The following TLN2 variants were observed in gnomAD, a reference collection of about 807,000 sequenced individuals.
TLN2 encodes the protein talin 2.
A neutral mutation model predicts 294.7 loss-of-function variants in TLN2; 118 were observed. That is an observed-to-expected ratio of 0.40 (90% CI 0.34 to 0.47). The LOEUF (loss-of-function observed/expected upper bound fraction) is 0.47. TLN2 is among the 20% of genes least tolerant of loss of function. TLN2 has a pLI of 0.84. For synonymous variants in TLN2, 1,431 were observed against 1,304.5 expected (o/e 1.10, Z -2.09); for missense variants, 3,083 against 3,282.2 (o/e 0.94, Z 1.48).
intron 1 of TLN2, among the ~76,000 whole-genome samples, chr15:62,491,174 T>G (rs2038684866): frequency 6.6e-6 from 1 of 151,922 alleles, no homozygotes; most frequent in African/African-American, 2.4e-5. Context: ...ATACAAAAAT[T>G]AGCTGGGCAT....
At chr15:62,838,723 G>C in intron 57 of TLN2, 133 bp from the exon 58 acceptor site, 1 of 1,210,744 alleles carries the variant, frequency 8.3e-7, no homozygotes, top group Middle Eastern at 2.1e-4. Flanking sequence ...GGTACTCTCT[G>C]GCTACAGAAC....
rs1166640684 is a variant in TLN2, at chr15:62,796,302, G to A, written c.6050+9G>A. The A allele has an allele frequency of 1.2e-6, 2 of 1,610,682 alleles. No individual in the cohort carries two copies. The highest frequency in any genetic ancestry group is 1.7e-6 in the Non-Finnish European group (2 of 1,178,400). ...ACCTTCGCAGACCACAGGTACGTGG[G>A]GGTCCTGGACGGGGAGAGGTTCAGG... is the stretch of plus-strand genomic sequence containing the variant. On this transcript the variant is annotated intron_variant, in intron 47 of 58. Transcript: ENST00000636159.
At chr15:62,710,142 G>T (rs1360688067) in intron 21 of TLN2, among the ~76,000 whole-genome samples, 1 of 152,106 alleles carries the variant, frequency 6.6e-6, no homozygotes, top group African/African-American at 2.4e-5. Flanking sequence ...TGGACATTTA[G>T]TTTTTTTGTT....
At chr15:62,494,824 G>A (rs182753500) in intron 1 of TLN2, among the ~76,000 whole-genome samples, 5 of 152,266 alleles carry the variant, frequency 3.3e-5, no homozygotes, top group Non-Finnish European at 7.4e-5. Context: ...GGGATTCTAA[G>A]CAGCCCCCTT....
chr15:62,665,017 C>T (rs2054429732), intron 9 of TLN2, among the ~76,000 whole-genome samples: 1 of 135,776 alleles, frequency 7.4e-6, no homozygotes, highest in African/African-American at 2.6e-5. Context: ...TAGGTATATA[C>T]TTTATAAGGC....
intron 29 of TLN2, among the ~76,000 whole-genome samples, chr15:62,737,798 A>G (rs1219511983): frequency 1.3e-5 from 2 of 152,208 alleles, no homozygotes; most frequent in Non-Finnish European, 2.9e-5. Flanking sequence ...TTGTGATCCA[A>G]AAAACTCAAG....
chr15:62,458,604 G>GAAGAA (rs1555410502), intron 1 of TLN2, among the ~76,000 whole-genome samples: 1 of 130,128 alleles, frequency 7.7e-6, no homozygotes, highest in Non-Finnish European at 1.6e-5. Context: ...CGTCTCTACA[G>GAAGAA]AAAAAAAAAA....
chr15:62,462,812 T>G (rs940324095), intron 1 of TLN2, among the ~76,000 whole-genome samples: 1 of 152,120 alleles, frequency 6.6e-6, no homozygotes, highest in Non-Finnish European at 1.5e-5. Flanking sequence ...TCTGGCCATT[T>G]CTCTTTCCCT....
chr15:62,549,654 G>T (rs892296787), intron 1 of TLN2, among the ~76,000 whole-genome samples: 5 of 152,204 alleles, frequency 3.3e-5, no homozygotes, highest in Non-Finnish European at 5.9e-5. Context: ...AATTTATGTG[G>T]TATATACTGT....
intron 11 of TLN2, among the ~76,000 whole-genome samples, chr15:62,675,811 G>C (rs2056117090): frequency 6.6e-6 from 1 of 152,192 alleles, no homozygotes; most frequent in Admixed American, 6.5e-5. Flanking sequence ...AGGAAAAGAG[G>C]CGTGTTTTTG....
At chr15:62,640,138 C>T (rs1221957695) in intron 3 of TLN2, 1 of 454,952 alleles carries the variant, frequency 2.2e-6, no homozygotes, top group African/African-American at 2.0e-5. Flanking sequence ...TGGCTGTGAC[C>T]CAGTGCATGG....
chr15:62,450,419 A>G lies in TLN2; in HGVS notation c.-238+59734A>G, dbSNP rs554830403. ...GTATGTAAATACATATTCAACATAG[A>G]TAGTCGCCTGTAGGAGATACAGTTG... On this transcript the variant is annotated intron_variant, in intron 1 of 58. Coordinates refer to ENST00000636159, the MANE Select transcript of TLN2 (RefSeq NM_015059.3). Among the ~76,000 whole-genome samples the G allele has an allele frequency of 3.3e-5, 5 of 150,798 alleles. No homozygotes were observed. In the East Asian group the frequency reaches 1.0e-3, roughly 30 times the overall value.
intron 1 of TLN2, among the ~76,000 whole-genome samples, chr15:62,573,300 C>T (rs936134716): frequency 3.3e-5 from 5 of 152,174 alleles, no homozygotes; most frequent in African/African-American, 1.2e-4. Context: ...CCTGGCTCCA[C>T]TGAGAGACCT....
chr15:62,806,462 C>G (rs117484960), intron 51 of TLN2, among the ~76,000 whole-genome samples: 4,175 of 152,284 alleles, frequency 0.027, 83 homozygotes, highest in Middle Eastern at 0.058. Flanking sequence ...CTTGTTTACC[C>G]CCATAGGTCA....
chr15:62,766,279 G>T, intron 40 of TLN2, 42 bp from the exon 41 acceptor site: 1 of 1,537,010 alleles, frequency 6.5e-7, no homozygotes, highest in Non-Finnish European at 9.0e-7. Flanking sequence ...AGCTCTGTGG[G>T]GAGCTGTTAT....
At chr15:62,718,753 T>G (rs1185840836) in intron 24 of TLN2, among the ~76,000 whole-genome samples, 1 of 152,136 alleles carries the variant, frequency 6.6e-6, no homozygotes, top group African/African-American at 2.4e-5. Flanking sequence ...GGGTGAAAAC[T>G]TTCTTCTCAG....
chr15:62,391,511 C>G (rs868296715), intron 1 of TLN2, among the ~76,000 whole-genome samples: 9 of 152,360 alleles, frequency 5.9e-5, no homozygotes, highest in African/African-American at 2.2e-4. Context: ...GACCGAGGAA[C>G]GACTTTCGAG....
At chr15:62,398,834 C>T (rs560378021) in intron 1 of TLN2, among the ~76,000 whole-genome samples, 12 of 152,246 alleles carry the variant, frequency 7.9e-5, no homozygotes, top group South Asian at 2.1e-4. Context: ...TGTAGCCTGA[C>T]GCAGTAGAAA....
chr15:62,475,696 T>C (rs549635231), intron 1 of TLN2, among the ~76,000 whole-genome samples: 2 of 152,340 alleles, frequency 1.3e-5, no homozygotes, highest in Admixed American at 1.3e-4. Context: ...TGCTCAAATG[T>C]GAACAGTTCT....
Sources: allele counts gnomAD v4.1 joint callset (sites outside exome capture counted in the v4.1 genomes callset), GRCh38; gene constraint gnomAD v4.1.1; transcripts MANE v1.5; gene names NCBI Gene and HGNC (gene_info 2026-07-23, HGNC 2026-07-21).